The following CSMD1 variants were observed in gnomAD, a reference collection of about 807,000 sequenced individuals.
CSMD1 encodes the protein CUB and sushi domain-containing protein 1.
Under a neutral mutation model 417.5 loss-of-function variants are expected in CSMD1, and 213 were observed. The observed-to-expected ratio is 0.51, with a 90% confidence interval of 0.46 to 0.57. The LOEUF (loss-of-function observed/expected upper bound fraction) is 0.57. Ranked by LOEUF, CSMD1 falls within the 20% of genes least tolerant of loss-of-function variation. The pLI is 0.00. For missense variants in CSMD1, 6,923 were observed against 4,529.7 expected, an observed-to-expected ratio of 1.53 and a Z score of -15.17; for synonymous variants, 2,862 against 1,736.8, an observed-to-expected ratio of 1.65 and a Z score of -16.11.
At chr8:4,751,035 T>C (rs191291727) in intron 1 of CSMD1, among the ~76,000 whole-genome samples, 29 of 152,314 alleles carry the variant, frequency 1.9e-4, no homozygotes, top group African/African-American at 6.3e-4. Flanking sequence ...GATTATCAAA[T>C]CTTTCAGGAG....
chr8:4,330,811 T>C (rs1185144908), intron 3 of CSMD1, among the ~76,000 whole-genome samples: 1 of 152,146 alleles, frequency 6.6e-6, no homozygotes, highest in South Asian at 2.1e-4. Context: ...TCTGAAGCAC[T>C]GTTCATTCTT....
Position 3,463,542 on chromosome 8 carries a change from G to C in CSMD1, c.1561+5170C>G, listed in dbSNP as rs562466516. On this transcript the variant is annotated intron_variant, in intron 12 of 69. Coordinates refer to ENST00000635120, the MANE Select transcript of CSMD1 (RefSeq NM_033225.6). The stretch of plus-strand genomic sequence containing the variant: ...CTACTATTCTGGCAGGCACTGTCTT[G>C]TCTGACTATGAATAGCGTATTGGCT... Among the ~76,000 whole-genome samples, 5 of 152,260 alleles carry C rather than the reference G, an allele frequency of 3.3e-5. No homozygotes were observed. The East Asian group carries it at 5.8e-4, about 18-fold the overall frequency.
At chr8:4,398,086 G>C (rs908824943) in intron 3 of CSMD1, among the ~76,000 whole-genome samples, 1 of 152,164 alleles carries the variant, frequency 6.6e-6, no homozygotes, top group Non-Finnish European at 1.5e-5. Flanking sequence ...TATCAGTCAA[G>C]GAAGAGATAT....
At chr8:4,149,386 A>G (rs1403512770) in intron 3 of CSMD1, among the ~76,000 whole-genome samples, 2 of 152,188 alleles carry the variant, frequency 1.3e-5, no homozygotes, top group Non-Finnish European at 2.9e-5. Context: ...AAACCAATAT[A>G]TCTTAGGTGG....
Position 2,938,232 on chromosome 8 carries a change from C to T in CSMD1, c.*353G>A, listed in dbSNP as rs530682657. 1.5e-5 allele frequency: 3 copies of T among 203,130 alleles called. No homozygotes were observed. The highest frequency in any genetic ancestry group is 2.3e-5 in the African/African-American group (1 of 43,470). 12.6% of individuals were successfully genotyped at this position (203,130 alleles called of 1,614,324 possible). A position where few individuals can be genotyped will look rare whatever the true frequency, so the allele number is the denominator to read the frequency against. On this transcript the variant is annotated 3_prime_UTR_variant, in exon 70 of 70. Transcript: ENST00000635120. ...CACCTGAGGGACATATCCACGAGCCCAGACGATTGCATTGAAAGGCATCTC... is the reference window on the plus strand; with the variant it reads ...CACCTGAGGGACATATCCACGAGCCTAGACGATTGCATTGAAAGGCATCTC...
chr8:4,152,843 T>G (rs1796641489), intron 3 of CSMD1, among the ~76,000 whole-genome samples: 1 of 152,174 alleles, frequency 6.6e-6, no homozygotes, highest in Non-Finnish European at 1.5e-5. Context: ...TGTATGTATG[T>G]GCATGTGTAT....
chr8:4,872,484 G>C (rs189853659), intron 1 of CSMD1, among the ~76,000 whole-genome samples: 2 of 151,930 alleles, frequency 1.3e-5, no homozygotes, highest in Non-Finnish European at 2.9e-5. Context: ...CCTTCCTGCC[G>C]CCTTCTGAAG....
intron 3 of CSMD1, among the ~76,000 whole-genome samples, chr8:4,195,153 T>C (rs1417271126): frequency 1.3e-5 from 2 of 152,200 alleles, no homozygotes; most frequent in East Asian, 3.9e-4. Context: ...ATGACAGTTC[T>C]ATCCAGAACA....
At chr8:4,029,223 C>G (rs1228770645) in intron 4 of CSMD1, among the ~76,000 whole-genome samples, 1 of 152,144 alleles carries the variant, frequency 6.6e-6, no homozygotes, top group Non-Finnish European at 1.5e-5. Flanking sequence ...AGGCAGAAAT[C>G]CATGAAGACT....
intron 7 of CSMD1, among the ~76,000 whole-genome samples, chr8:3,694,165 C>T (rs1324460047): frequency 2.0e-5 from 3 of 151,852 alleles, no homozygotes; most frequent in Non-Finnish European, 2.9e-5. Flanking sequence ...GAGGGGCTCA[C>T]AGATCTCACC....
intron 3 of CSMD1, among the ~76,000 whole-genome samples, chr8:4,234,786 C>T (rs902070394): frequency 7.9e-5 from 12 of 152,064 alleles, no homozygotes; most frequent in African/African-American, 2.9e-4. Flanking sequence ...TAACTTGCCC[C>T]CAGATAATCA....
At chr8:4,495,061 G>A (rs1304174832) in intron 2 of CSMD1, among the ~76,000 whole-genome samples, 1 of 152,110 alleles carries the variant, frequency 6.6e-6, no homozygotes, top group Non-Finnish European at 1.5e-5. Flanking sequence ...ACTAGGGACA[G>A]GGAGACAAGG....
rs149183134 is a variant in CSMD1 at position 3,475,007 on chromosome 8, C to T, written c.1449-6183G>A. On this transcript the variant is annotated intron_variant, in intron 11 of 69. Transcript: ENST00000635120. ...GTGTAAAACTCTGTCATCTCCCAGG[C>T]GTGTTCAGCTCCAGCCATATTTATT... 4.8e-3 allele frequency among the ~76,000 whole-genome samples: 727 copies of T among 152,202 alleles called. 8 individuals are homozygous for T. The highest frequency in any genetic ancestry group is 0.017 in the African/African-American group (705 of 41,526).
At chr8:3,997,638 T>C (rs931332515) in intron 5 of CSMD1, among the ~76,000 whole-genome samples, 5 of 152,152 alleles carry the variant, frequency 3.3e-5, no homozygotes, top group African/African-American at 1.2e-4. Flanking sequence ...TTGGTTGCTT[T>C]AAAACAGTCC....
intron 3 of CSMD1, among the ~76,000 whole-genome samples, chr8:4,063,419 T>C (rs1000074646): frequency 6.6e-6 from 1 of 152,224 alleles, no homozygotes; most frequent in Non-Finnish European, 1.5e-5. Context: ...ATTTAAATTA[T>C]GATTATTAAA....
Position 2,938,055 on chromosome 8 carries a change from G to T in CSMD1, c.*530C>A, listed in dbSNP as rs575141887. On this transcript the variant is annotated 3_prime_UTR_variant, in exon 70 of 70. Transcript: ENST00000635120. Reference sequence around the variant, plus strand: ...AAGCTTGTCAGGTCTCGGAAGGACAGAGTGAAGCATTTGTAGGTGTGAGCC... The same window carrying T: ...AAGCTTGTCAGGTCTCGGAAGGACATAGTGAAGCATTTGTAGGTGTGAGCC... The T allele has an allele frequency of 6.5e-6, 1 of 152,766 alleles. No homozygotes were observed. The highest frequency in any genetic ancestry group is 1.5e-5 in the Non-Finnish European group (1 of 68,200). 9.5% of individuals were successfully genotyped at this position (152,766 alleles called of 1,614,324 possible). A position where few individuals can be genotyped will look rare whatever the true frequency, so the allele number is the denominator to read the frequency against.
intron 64 of CSMD1, among the ~76,000 whole-genome samples, chr8:2,955,132 T>A (rs1802909872): frequency 6.6e-6 from 1 of 152,230 alleles, no homozygotes; most frequent in Non-Finnish European, 1.5e-5. Flanking sequence ...CAGGGACACA[T>A]AAACTGAGGT....
At chr8:4,304,842 G>C (rs969432064) in intron 3 of CSMD1, among the ~76,000 whole-genome samples, 1 of 152,162 alleles carries the variant, frequency 6.6e-6, no homozygotes, top group Non-Finnish European at 1.5e-5. Context: ...CTTTTGTCTT[G>C]AGACCCTATT....
chr8:3,006,176 C>T (rs907329893), intron 52 of CSMD1, among the ~76,000 whole-genome samples: 40 of 151,546 alleles, frequency 2.6e-4, no homozygotes, highest in Non-Finnish European at 1.9e-4. Flanking sequence ...TTCACAATTG[C>T]TTCAAAGAGA....
Sources: gnomAD v4.1 joint callset for allele counts (sites outside exome capture counted in the v4.1 genomes callset) on GRCh38, gnomAD v4.1.1 for gene constraint, MANE v1.5 for transcripts, NCBI Gene and HGNC (gene_info 2026-07-23, HGNC 2026-07-21) for gene names.